The following CTTNBP2 variants were observed in gnomAD, a reference collection of about 807,000 sequenced individuals.
CTTNBP2 encodes the protein cortactin-binding protein 2.
CTTNBP2 carries 108 observed loss-of-function variants against 156.9 expected under a neutral mutation model. The observed-to-expected ratio is 0.69, with a 90% CI of 0.59 to 0.81. CTTNBP2 has a LOEUF of 0.81. Ranked by LOEUF, CTTNBP2 falls within the 30% of genes least tolerant of loss-of-function variation. The pLI, the probability that CTTNBP2 is intolerant of heterozygous loss-of-function variation, is 0.00. For missense variants in CTTNBP2, 1,924 were observed against 2,035.4 expected (o/e 0.95, Z 1.05); for synonymous variants, 767 against 751.8 (o/e 1.02, Z -0.33).
intron 22 of CTTNBP2, chr7:117,713,609 A>T (rs1345299176): frequency 6.6e-6 from 1 of 152,206 alleles, no homozygotes; most frequent in African/African-American, 2.4e-5. Context: ...AAGGTAAAGG[A>T]TAAGTCCTCA....
intron 22 of CTTNBP2, 124 bp downstream of exon 22, chr7:117,717,894 C>T (rs1236555169): frequency 1.9e-5 from 12 of 640,058 alleles, no homozygotes; most frequent in South Asian, 4.0e-5. Flanking sequence ...TACCTTTATC[C>T]TATTTCTCAG....
intron 1 of CTTNBP2, among the ~76,000 whole-genome samples, chr7:117,864,689 CAT>C (rs1385244339): frequency 1.2e-5 from 1 of 82,804 alleles, no homozygotes; most frequent in African/African-American, 3.5e-5. Context: ...TATATATATT[CAT>C]ATATATTCAT....
rs77078524 is a variant in CTTNBP2, at chr7:117,797,652, A to C, written c.415-4871T>G. On this transcript the variant is annotated intron_variant, in intron 3 of 22. Transcript: ENST00000160373. Reference sequence around the variant, plus strand: ...AACAGAACTGATAAGTGTAATATCTAAACTGACAAAAAGTTCACTGAATGG... The same window carrying C: ...AACAGAACTGATAAGTGTAATATCTCAACTGACAAAAAGTTCACTGAATGG... 9.1e-3 allele frequency among the ~76,000 whole-genome samples: 1,391 copies of C among 152,338 alleles called. 23 individuals are homozygous for C. The highest frequency in any genetic ancestry group is 0.031 in the African/African-American group (1,287 of 41,580).
At chr7:117,857,641 T>C (rs1803417731) in intron 2 of CTTNBP2, among the ~76,000 whole-genome samples, 2 of 152,286 alleles carry the variant, frequency 1.3e-5, no homozygotes, top group East Asian at 1.9e-4. Flanking sequence ...ATAATTTATA[T>C]ATTAAGTTCA....
intron 2 of CTTNBP2, among the ~76,000 whole-genome samples, chr7:117,857,467 C>T (rs1803405386): frequency 6.6e-6 from 1 of 152,006 alleles, no homozygotes; most frequent in South Asian, 2.1e-4. Flanking sequence ...ATGATGTATG[C>T]AATTTTTAAT....
At chr7:117,781,783 T>C (rs773848537) in intron 6 of CTTNBP2, among the ~76,000 whole-genome samples, 3 of 152,146 alleles carry the variant, frequency 2.0e-5, no homozygotes, top group Admixed American at 6.5e-5. Flanking sequence ...CCAGGGTCCT[T>C]CCTGTTTGCA....
intron 8 of CTTNBP2, among the ~76,000 whole-genome samples, chr7:117,776,130 T>C (rs986023979): frequency 2.6e-5 from 4 of 152,184 alleles, no homozygotes; most frequent in African/African-American, 4.8e-5. Context: ...TTCTGTCTTC[T>C]TGATCAAAAT....
At chr7:117,873,243 CG>C in intron 1 of CTTNBP2, 91 bp downstream of exon 1, 2 of 1,010,952 alleles carry the variant, frequency 2.0e-6, no homozygotes, top group Non-Finnish European at 2.6e-6. Flanking sequence ...CGGAACGCCC[CG>C]GGGGTGCGAA....
intron 22 of CTTNBP2, among the ~76,000 whole-genome samples, chr7:117,712,120 A>G (rs1336173474): frequency 6.6e-6 from 1 of 152,226 alleles, no homozygotes; most frequent in Non-Finnish European, 1.5e-5. Flanking sequence ...AGGTAGCTCT[A>G]CAAACTATGT....
rs779858520 is a variant in CTTNBP2 at position 117,760,459 on chromosome 7, T to C, written c.3148A>G (p.Arg1050Gly). 2.5e-6 allele frequency: 4 copies of C among 1,614,074 alleles called. No individual in the cohort carries two copies. The highest frequency in any genetic ancestry group is 1.1e-5 in the South Asian group (1 of 91,082). The part of the protein sequence containing the change: ...TTDSNIGLSA[R>G]SIRSITLGNV... ...CCTAGCGTGATGGATCGTATGCTTC[T>C]TGCACTGAGGCCGATGTTGGAATCA... The change falls in exon 10 of 23, where the codon AGA (arginine) becomes GGA (glycine). Residue 1050 changes from arginine (R) to glycine (G), a missense_variant. By Grantham distance (125) the Arg-to-Gly change is moderately radical. Transcript: ENST00000160373.
At chr7:117,766,700 G>T (rs558844093) in intron 9 of CTTNBP2, among the ~76,000 whole-genome samples, 3 of 152,116 alleles carry the variant, frequency 2.0e-5, no homozygotes, top group Non-Finnish European at 4.4e-5. Context: ...CAACTTGCCT[G>T]CCTCATACAA....
At chr7:117,824,382 A>G (rs1801156466) in intron 2 of CTTNBP2, among the ~76,000 whole-genome samples, 1 of 152,152 alleles carries the variant, frequency 6.6e-6, no homozygotes, top group Non-Finnish European at 1.5e-5. Flanking sequence ...GTGGATCTCC[A>G]TTCTGTATCT....
intron 9 of CTTNBP2, among the ~76,000 whole-genome samples, chr7:117,766,018 T>C (rs1380782058): frequency 6.6e-6 from 1 of 152,228 alleles, no homozygotes; most frequent in Non-Finnish European, 1.5e-5. Flanking sequence ...CATAGCTATA[T>C]ATATTTATTC....
chr7:117,859,593 C>T (rs1803575722), intron 2 of CTTNBP2, among the ~76,000 whole-genome samples: 1 of 152,192 alleles, frequency 6.6e-6, no homozygotes, highest in Admixed American at 6.5e-5. Flanking sequence ...TGACTGTGCC[C>T]TTGTTCTGTC....
At position 117,715,475 on chromosome 7, in the gene CTTNBP2, T is replaced by TAAAAAA. The variant is rs398048025; in HGVS notation, c.4746+2537_4746+2542dup. Among the ~76,000 whole-genome samples the TAAAAAA allele has an allele frequency of 2.2e-3, 257 of 116,352 alleles. 6 individuals are homozygous for TAAAAAA. Among genetic ancestry groups the TAAAAAA allele is most frequent in the South Asian group, 4.5e-3 (16 of 3,518 alleles). The allele number at this position is 116,352 out of a possible 152,430, so 76.3% of individuals were successfully genotyped here. Reference sequence around the variant, plus strand: ...CAGACTAGAGTCCAGGCCCTGAAGTTAAAAAAAAAAAAAAAAAAGAAGCCT... The same window carrying TAAAAAA: ...CAGACTAGAGTCCAGGCCCTGAAGTTAAAAAAAAAAAAAAAAAAAAAAAAGAAGCCT... On this transcript the variant is annotated intron_variant, in intron 22 of 22. Transcript: ENST00000160373.
At chr7:117,833,406 G>A (rs1801740163) in intron 2 of CTTNBP2, among the ~76,000 whole-genome samples, 3 of 152,112 alleles carry the variant, frequency 2.0e-5, no homozygotes, top group African/African-American at 7.2e-5. Flanking sequence ...CTGTGTTTGT[G>A]TGTCTTATCT....
intron 21 of CTTNBP2, among the ~76,000 whole-genome samples, chr7:117,718,916 G>C (rs933261553): frequency 6.6e-6 from 1 of 152,100 alleles, no homozygotes; most frequent in Non-Finnish European, 1.5e-5. Flanking sequence ...AGCTGCCCAG[G>C]CTGGGTACAG....
Position 117,780,433 on chromosome 7 carries a change from C to T in CTTNBP2, c.2523+8G>A. On this transcript the variant is annotated splice_region_variant and intron_variant, in intron 7 of 22. Coordinates refer to ENST00000160373, the MANE Select transcript of CTTNBP2 (RefSeq NM_033427.3). ...TATACAGGGGGAAAAAAACAGACTG[C>T]TACTCACTGTGGTTTTTACACTTCG... is the stretch of plus-strand genomic sequence containing the variant. 6.5e-7 allele frequency: 1 copy of T among 1,536,846 alleles called. No individual in the cohort carries two copies. Among genetic ancestry groups the T allele is most frequent in the Non-Finnish European group, 8.7e-7 (1 of 1,145,548 alleles).
In CTTNBP2 at chr7:117,711,505, G is replaced by C. The variant is rs372131042; in HGVS notation, c.*32C>G. On this transcript the variant is annotated 3_prime_UTR_variant, in exon 23 of 23. Coordinates refer to ENST00000160373, the MANE Select transcript of CTTNBP2 (RefSeq NM_033427.3). ...GTCCTTGGTTTCTGTGTGAAATAGA[G>C]GAAGTTAATAATGAGAATATTGTAG... 4 of 1,585,284 alleles carry C rather than the reference G, an allele frequency of 2.5e-6. No homozygotes were observed. Among genetic ancestry groups the C allele is most frequent in the Non-Finnish European group, 3.4e-6 (4 of 1,168,172 alleles).
Sources: allele counts gnomAD v4.1 joint callset (sites outside exome capture counted in the v4.1 genomes callset), GRCh38; gene constraint gnomAD v4.1.1; transcripts MANE v1.5; gene names NCBI Gene and HGNC (gene_info 2026-07-23, HGNC 2026-07-21).